The following STAG2 variants were observed in gnomAD, a reference collection of about 807,000 sequenced individuals.
STAG2 encodes the protein cohesin subunit SA-2.
In STAG2, 14 loss-of-function variants were observed where a neutral mutation model predicts 108.1. The ratio of observed to expected loss-of-function variants is 0.13; its 90% CI spans 0.09 to 0.20. STAG2 has a LOEUF of 0.20. STAG2 is among the 10% of genes least tolerant of loss of function. STAG2 has a pLI of 1.00. For missense variants in STAG2, 440 were observed against 940.9 expected (o/e 0.47, Z 6.96); for synonymous variants, 307 against 302.7 (o/e 1.01, Z -0.15).
At chrX:124,029,614 T>C (rs1014475045) in intron 4 of STAG2, among the ~76,000 whole-genome samples, 2 of 112,563 alleles carry the variant, frequency 1.8e-5, no homozygotes, top group Non-Finnish European at 3.7e-5. Context: ...CTGGGCTGTT[T>C]TTATAATTTT....
intron 1 of STAG2, among the ~76,000 whole-genome samples, chrX:124,000,336 T>A (rs2055971282): frequency 9.0e-6 from 1 of 111,470 alleles, no homozygotes; most frequent in African/African-American, 3.3e-5. Context: ...CTTGTTTACA[T>A]ATTTACTATT....
chrX:124,020,102 A>T (rs1301941639), intron 1 of STAG2, among the ~76,000 whole-genome samples: 1 of 112,623 alleles, frequency 8.9e-6, no homozygotes, highest in African/African-American at 3.2e-5. Context: ...TTGGCCTGGG[A>T]ATGCTTCTTT....
At chrX:124,067,904 C>G (rs1421352552) in intron 23 of STAG2, among the ~76,000 whole-genome samples, 2 of 110,305 alleles carry the variant, frequency 1.8e-5, no homozygotes, top group Non-Finnish European at 3.8e-5. Flanking sequence ...TGATGGTATG[C>G]ACCTGTAATC....
intron 13 of STAG2, among the ~76,000 whole-genome samples, chrX:124,054,324 A>G (rs1373623794): frequency 8.9e-6 from 1 of 112,275 alleles, no homozygotes; most frequent in Non-Finnish European, 1.9e-5. Context: ...GGTAGTGGCT[A>G]TTCCCATTTC....
intron 27 of STAG2, among the ~76,000 whole-genome samples, chrX:124,079,190 G>A (rs1193353298): frequency 3.8e-5 from 4 of 104,431 alleles, no homozygotes; most frequent in Non-Finnish European, 2.0e-5. Context: ...CCAGGCTGGA[G>A]TGCAGTGGCG....
Position 124,061,760 on chromosome X carries a change from T to TTA in STAG2, c.1535-10_1535-9insAT. 1 of 926,660 alleles carries TTA rather than the reference T, an allele frequency of 1.1e-6. No individual in the cohort carries two copies. The highest frequency in any genetic ancestry group is 1.4e-6 in the Non-Finnish European group (1 of 706,097). The allele number at this position is 926,660 out of a possible 1,213,427, so 76.4% of individuals were successfully genotyped here. A position where few individuals can be genotyped will look rare whatever the true frequency, so the allele number is the denominator to read the frequency against. On this transcript the variant is annotated splice_polypyrimidine_tract_variant and intron_variant, in intron 16 of 34. Transcript: ENST00000371145. ...CTTTCTGACTTTTTTTTTTTTTTTT[T>TTA]TTTTTTTTAGCACTAACAGATAGGC... is the stretch of plus-strand genomic sequence containing the variant.
intron 3 of STAG2, 47 bp from the exon 4 acceptor site, chrX:124,025,793 A>G (rs1396873488): frequency 1.8e-5 from 17 of 946,232 alleles, no homozygotes; most frequent in Middle Eastern, 2.8e-4. Flanking sequence ...TAGAAACTCA[A>G]TATAAATTTC....
rs755030624 is a variant in STAG2 at position 124,049,092 on chromosome X, GT to G, written c.893+21del. ...ACATAGATACCGGTAAGTTGTGACAGTTTTTTTCATAAATAGCATTATGTAA... is the reference window on the plus strand; with the variant it reads ...ACATAGATACCGGTAAGTTGTGACAGTTTTTTCATAAATAGCATTATGTAA... On this transcript the variant is annotated intron_variant, in intron 10 of 34. Coordinates refer to ENST00000371145, the MANE Select transcript of STAG2 (RefSeq NM_001042750.2). 3 of 1,146,338 alleles carry G rather than the reference GT, an allele frequency of 2.6e-6. No individual in the cohort carries two copies. The highest frequency in any genetic ancestry group is 3.6e-6 in the Non-Finnish European group (3 of 843,030). 94.5% of individuals were successfully genotyped at this position (1,146,338 alleles called of 1,213,427 possible).
At chrX:124,066,911 T>G (rs1487512174) in intron 23 of STAG2, among the ~76,000 whole-genome samples, 1 of 112,023 alleles carries the variant, frequency 8.9e-6, no homozygotes, top group African/African-American at 3.2e-5. Context: ...CTTTTAAAGC[T>G]TTACCCATAA....
chrX:124,020,626 C>T (rs1387898222), intron 1 of STAG2, among the ~76,000 whole-genome samples: 1 of 111,686 alleles, frequency 9.0e-6, no homozygotes, highest in Non-Finnish European at 1.9e-5. Flanking sequence ...TTTGAGGCTG[C>T]AGTGAGCTAT....
At chrX:123,961,301 C>T (rs1049619958), upstream of STAG2, 3 of 62,085 alleles carry the variant, frequency 4.8e-5, no homozygotes, top group South Asian at 3.0e-3. Flanking sequence ...CTACGGAGAC[C>T]CCCCCCCCCC....
At chrX:124,015,861 T>C (rs1202356472) in intron 1 of STAG2, among the ~76,000 whole-genome samples, 1 of 111,675 alleles carries the variant, frequency 9.0e-6, no homozygotes, top group Non-Finnish European at 1.9e-5. Context: ...GTCTACCTTT[T>C]AGCATTCACA....
intron 1 of STAG2, among the ~76,000 whole-genome samples, chrX:124,007,445 G>GT (rs34408038): frequency 1.6e-4 from 17 of 109,115 alleles, no homozygotes; most frequent in Non-Finnish European, 2.1e-4. Context: ...ACATGATTAG[G>GT]TTTTTTTTTC....
intron 15 of STAG2, among the ~76,000 whole-genome samples, chrX:124,059,792 C>T (rs959688484): frequency 5.4e-5 from 6 of 111,025 alleles, no homozygotes; most frequent in African/African-American, 2.0e-4. Context: ...TCCCTAGTAG[C>T]TCCGACTACA....
intron 1 of STAG2, among the ~76,000 whole-genome samples, chrX:124,017,399 A>G (rs184708636): frequency 9.1e-6 from 1 of 109,848 alleles, no homozygotes; most frequent in Non-Finnish European, 1.9e-5. Flanking sequence ...TGTTTTAGAG[A>G]CGAGGTTTCA....
chrX:124,025,011 G>A (rs1224947310), intron 3 of STAG2, among the ~76,000 whole-genome samples: 3 of 111,485 alleles, frequency 2.7e-5, no homozygotes, highest in East Asian at 2.8e-4. Context: ...TATTTAAATC[G>A]GTCGGCTTCC....
At position 124,101,140 on chromosome X, in the gene STAG2, G is replaced by T; in HGVS notation, c.*543G>T. ...TTGTTTTAAATATTGTAATTGTGGAGAAAAGTAAACTTATAAGCAGAACTT... is the reference window on the plus strand; with the variant it reads ...TTGTTTTAAATATTGTAATTGTGGATAAAAGTAAACTTATAAGCAGAACTT... On this transcript the variant is annotated 3_prime_UTR_variant, in exon 35 of 35. Coordinates refer to ENST00000371145, the MANE Select transcript of STAG2 (RefSeq NM_001042750.2). The T allele has an allele frequency of 6.7e-6, 1 of 148,545 alleles. No homozygotes were observed. The highest frequency in any genetic ancestry group is 1.1e-4 in the East Asian group (1 of 9,346). 12.2% of individuals were successfully genotyped at this position (148,545 alleles called of 1,213,427 possible). A position where few individuals can be genotyped will look rare whatever the true frequency, so the allele number is the denominator to read the frequency against.
In STAG2 at chrX:124,061,743, C is replaced by CTTTTT. The variant is rs36097834; in HGVS notation, c.1535-7_1535-3dup. On this transcript the variant is annotated intron_variant, in intron 16 of 34. Coordinates refer to ENST00000371145, the MANE Select transcript of STAG2 (RefSeq NM_001042750.2). ...GAAGAAATAAGCTAACTCTTTCTGACTTTTTTTTTTTTTTTTTTTTTTTTT... is the reference window on the plus strand; with the variant it reads ...GAAGAAATAAGCTAACTCTTTCTGACTTTTTTTTTTTTTTTTTTTTTTTTTTTTTT... 427 of 473,881 alleles carry CTTTTT rather than the reference C, an allele frequency of 9.0e-4. 6 individuals are homozygous for CTTTTT. The highest frequency in any genetic ancestry group is 4.2e-3 in the South Asian group (95 of 22,753). The allele number at this position is 473,881 out of a possible 1,213,427, so 39.1% of individuals were successfully genotyped here.
At chrX:124,026,127 CAAA>C (rs1334325223) in intron 4 of STAG2, among the ~76,000 whole-genome samples, 5 of 37,539 alleles carry the variant, frequency 1.3e-4, no homozygotes, top group African/African-American at 5.2e-4. Flanking sequence ...TGTAAAGTTG[CAAA>C]TAATAATAAT....
Sources: allele counts gnomAD v4.1 joint callset (sites outside exome capture counted in the v4.1 genomes callset), GRCh38; gene constraint gnomAD v4.1.1; transcripts MANE v1.5; gene names NCBI Gene and HGNC (gene_info 2026-07-23, HGNC 2026-07-21).